Variants in TRMT11 observed in about 807,000 individuals in gnomAD.
The protein encoded by TRMT11 is tRNA methyltransferase 11, also known as tRNA (guanine(10)-N(2))-methyltransferase TRMT11.
In TRMT11, 53 loss-of-function variants were observed where a neutral mutation model predicts 62.8. The ratio of observed to expected loss-of-function variants is 0.84; its 90% confidence interval spans 0.68 to 1.06. The LOEUF is 1.06. Ranked by LOEUF, TRMT11 falls within the 50% of genes least tolerant of loss-of-function variation. The pLI, the probability that TRMT11 is intolerant of heterozygous loss-of-function variation, is 0.00. For missense variants in TRMT11, 556 were observed against 553.4 expected (o/e 1.00, Z -0.05); for synonymous variants, 188 against 190.3 (o/e 0.99, Z 0.10).
At chr6:126,268,988 G>C in the TRMT11 span, among the ~76,000 whole-genome samples, 1 of 151,894 alleles carries the variant, frequency 6.6e-6, no homozygotes, top group African/African-American at 2.4e-5. Context: ...TTGGCCGGGC[G>C]CGGTGGCTCA....
intron 21 of TRMT11, among the ~76,000 whole-genome samples, chr6:126,160,209 TA>T (rs1778172788): frequency 6.6e-6 from 1 of 152,136 alleles, no homozygotes; most frequent in Non-Finnish European, 1.5e-5. Flanking sequence ...ATTAGAACTT[TA>T]AACATGTCTT....
At chr6:126,223,020 T>C in the TRMT11 span, among the ~76,000 whole-genome samples, 1 of 152,242 alleles carries the variant, frequency 6.6e-6, no homozygotes, top group African/African-American at 2.4e-5. Context: ...GGTCTGGTGG[T>C]AACTAATTCT....
At chr6:126,230,410 C>T in the TRMT11 span, among the ~76,000 whole-genome samples, 1 of 152,194 alleles carries the variant, frequency 6.6e-6, no homozygotes, top group East Asian at 1.9e-4. Context: ...GAACTCTGGA[C>T]ACACATTCAG....
intron 17 of TRMT11, among the ~76,000 whole-genome samples, chr6:126,057,976 A>G (rs998881293): frequency 1.3e-5 from 2 of 149,442 alleles, no homozygotes; most frequent in African/African-American, 2.5e-5. Flanking sequence ...TTTTTCAATT[A>G]TATAAGTTCT....
At chr6:126,258,773 TA>T in the TRMT11 span, among the ~76,000 whole-genome samples, 1 of 152,326 alleles carries the variant, frequency 6.6e-6, no homozygotes. Flanking sequence ...TCAGTCTAGT[TA>T]AAGTTTCTCA....
intron 12 of TRMT11, among the ~76,000 whole-genome samples, chr6:126,036,796 T>C (rs1775270387): frequency 6.6e-6 from 1 of 152,114 alleles, no homozygotes; most frequent in Non-Finnish European, 1.5e-5. Context: ...GTCAGACTTT[T>C]GATGAAAGTT....
At chr6:126,114,253 G>A (rs1313747517) in intron 18 of TRMT11, among the ~76,000 whole-genome samples, 1 of 152,014 alleles carries the variant, frequency 6.6e-6, no homozygotes. Context: ...TATTGTTCTA[G>A]ACAAGCTTAT....
At chr6:126,118,494 A>G (rs1351466990) in intron 21 of TRMT11, among the ~76,000 whole-genome samples, 1 of 152,142 alleles carries the variant, frequency 6.6e-6, no homozygotes, top group Non-Finnish European at 1.5e-5. Flanking sequence ...GAGAATTGCT[A>G]TGGTTACCAA....
chr6:126,046,439 G>T (rs1426606768), intron 16 of TRMT11, among the ~76,000 whole-genome samples: 1 of 152,160 alleles, frequency 6.6e-6, no homozygotes, highest in Non-Finnish European at 1.5e-5. Context: ...AATACTAAAA[G>T]TAGATGTAAA....
chr6:126,027,142 A>G (rs1400126044), intron 12 of TRMT11, among the ~76,000 whole-genome samples: 1 of 152,124 alleles, frequency 6.6e-6, no homozygotes. Flanking sequence ...CACTTAACAC[A>G]ACGTGTAGTT....
chr6:126,014,104 T>A (rs561220145), intron 11 of TRMT11, among the ~76,000 whole-genome samples: 114 of 152,306 alleles, frequency 7.5e-4, no homozygotes, highest in African/African-American at 2.6e-3. Flanking sequence ...CTATATATAT[T>A]AACAGTAAAA....
intron 17 of TRMT11, among the ~76,000 whole-genome samples, chr6:126,062,486 G>A (rs934233641): frequency 6.6e-6 from 1 of 152,144 alleles, no homozygotes; most frequent in African/African-American, 2.4e-5. Context: ...GCCTACTTTC[G>A]TGGCAACTTC....
In TRMT11 at chr6:126,029,359, T is replaced by TC. The variant is rs148091367; in HGVS notation, c.1260+8085dup. Among the ~76,000 whole-genome samples the TC allele has an allele frequency of 2.6e-4, 40 of 152,166 alleles. No individual in the cohort carries two copies. The South Asian group carries it at 8.1e-3, about 31-fold the overall frequency. The stretch of plus-strand genomic sequence containing the variant: ...TAGAGTAATGCAGCACTCCAGAAGA[T>TC]CCCCCCTTTTGTGGCCATTGTTGAT... On this transcript the variant is annotated intron_variant, in intron 12 of 12. Transcript: ENST00000334379.
At chr6:126,044,554 T>C (rs1775990414) in intron 16 of TRMT11, among the ~76,000 whole-genome samples, 1 of 152,200 alleles carries the variant, frequency 6.6e-6, no homozygotes, top group African/African-American at 2.4e-5. Flanking sequence ...CATTTCTATA[T>C]GTCTTTCTAA....
At chr6:126,050,942 C>T (rs1312457086) in intron 16 of TRMT11, among the ~76,000 whole-genome samples, 1 of 152,186 alleles carries the variant, frequency 6.6e-6, no homozygotes, top group Non-Finnish European at 1.5e-5. Flanking sequence ...TTGGAACCTT[C>T]AGTAGTTGTA....
At chr6:126,215,973 G>T in the TRMT11 span, among the ~76,000 whole-genome samples, 2 of 151,656 alleles carry the variant, frequency 1.3e-5, no homozygotes, top group Non-Finnish European at 2.9e-5. Context: ...TTTTTGATTG[G>T]TACATCTTTT....
chr6:126,026,889 G>A (rs1773246476), intron 12 of TRMT11, among the ~76,000 whole-genome samples: 1 of 142,820 alleles, frequency 7.0e-6, no homozygotes, highest in East Asian at 2.2e-4. Flanking sequence ...TGCAAGCTCC[G>A]CCTCCCGGGT....
chr6:126,104,333 T>G (rs1477456750), intron 17 of TRMT11, among the ~76,000 whole-genome samples: 1 of 152,130 alleles, frequency 6.6e-6, no homozygotes, highest in Non-Finnish European at 1.5e-5. Context: ...GTACTAGGAC[T>G]GGGGTTCAGT....
chr6:126,151,900 CT>C lies in TRMT11; in HGVS notation c.*1824-22921del, dbSNP rs201596790. ...TCCTTCCTTCCTTGTCTTTTTCTTT[CT>C]TTTCTCTTTCTTTCTTTCTTTCTTT... On this transcript the variant is annotated intron_variant and NMD_transcript_variant, in intron 21 of 22. Coordinates refer to the TRMT11 transcript ENST00000648977. Among the ~76,000 whole-genome samples the C allele has an allele frequency of 5.7e-3, 186 of 32,908 alleles. 5 individuals are homozygous for C. Among genetic ancestry groups the C allele is most frequent in the African/African-American group, 0.018 (82 of 4,476 alleles). The allele number at this position is 32,908 out of a possible 152,430, so 21.6% of individuals were successfully genotyped here.
Sources: gnomAD v4.1 joint callset for allele counts (sites outside exome capture counted in the v4.1 genomes callset) on GRCh38, gnomAD v4.1.1 for gene constraint, MANE v1.5 for transcripts, NCBI Gene and HGNC (gene_info 2026-07-23, HGNC 2026-07-21) for gene names.